TRPS1: variants seen among roughly 807,000 people sequenced by gnomAD.
The protein encoded by TRPS1 is zinc finger transcription factor Trps1.
In TRPS1, 6 loss-of-function variants were observed where a neutral mutation model predicts 101.2. That is an observed-to-expected ratio of 0.06 (90% CI 0.03 to 0.12). TRPS1 has a LOEUF of 0.12. Ranked by LOEUF, TRPS1 falls within the 10% of genes least tolerant of loss-of-function variation. The probability of loss-of-function intolerance (pLI) is 1.00; values close to 1 mark genes in which losing one functional copy is unlikely to be tolerated. For missense variants in TRPS1, 1,363 were observed against 1,567.0 expected, an observed-to-expected ratio of 0.87 and a Z score of 2.20; for synonymous variants, 578 against 589.8, an observed-to-expected ratio of 0.98 and a Z score of 0.29.
At chr8:115,561,407 C>T (rs192003980) in intron 5 of TRPS1, among the ~76,000 whole-genome samples, 13 of 151,898 alleles carry the variant, frequency 8.6e-5, no homozygotes, top group Admixed American at 8.5e-4. Context: ...AAGCCACATT[C>T]TTCAACACTA....
chr8:115,559,464 C>A (rs900771873), intron 5 of TRPS1, among the ~76,000 whole-genome samples: 1 of 152,072 alleles, frequency 6.6e-6, no homozygotes, highest in Admixed American at 6.6e-5. Flanking sequence ...CTAGGTCTCA[C>A]GCACCACAAA....
chr8:115,565,810 A>T (rs1263111620), intron 5 of TRPS1, among the ~76,000 whole-genome samples: 3 of 152,122 alleles, frequency 2.0e-5, no homozygotes, highest in East Asian at 3.9e-4. Context: ...AACTAAAATA[A>T]ATATTTACTG....
chr8:115,608,865 A>G (rs1468370146), intron 3 of TRPS1, among the ~76,000 whole-genome samples: 2 of 148,210 alleles, frequency 1.3e-5, no homozygotes, highest in Non-Finnish European at 2.9e-5. Context: ...TCTTTTTTAG[A>G]GGCAGGGTCT....
intron 4 of TRPS1, among the ~76,000 whole-genome samples, chr8:115,593,228 A>T (rs1817716357): frequency 6.6e-6 from 1 of 152,238 alleles, no homozygotes; most frequent in Non-Finnish European, 1.5e-5. Context: ...CAAAATTGTC[A>T]GGAATAATCC....
chr8:115,513,312 G>A (rs1232248222), intron 5 of TRPS1, among the ~76,000 whole-genome samples: 1 of 151,496 alleles, frequency 6.6e-6, no homozygotes, highest in East Asian at 1.9e-4. Context: ...TATTCCCAAG[G>A]ACTTATATTT....
intron 5 of TRPS1, among the ~76,000 whole-genome samples, chr8:115,585,550 T>C (rs1817544112): frequency 1.3e-5 from 2 of 152,158 alleles, no homozygotes; most frequent in African/African-American, 4.8e-5. Context: ...GGACATTTCA[T>C]TCCCGCCTTA....
At chr8:115,659,349 ATTAAT>A (rs1477185171) in intron 1 of TRPS1, among the ~76,000 whole-genome samples, 3 of 151,864 alleles carry the variant, frequency 2.0e-5, no homozygotes, top group African/African-American at 7.2e-5. Flanking sequence ...TACTTCCAAT[ATTAAT>A]TTAAAGACAG....
At chr8:115,465,382 C>G (rs1241822949) in intron 5 of TRPS1, among the ~76,000 whole-genome samples, 1 of 152,002 alleles carries the variant, frequency 6.6e-6, no homozygotes, top group Admixed American at 6.6e-5. Flanking sequence ...ACATTTCACT[C>G]TCTGCCTTGG....
chr8:115,573,431 T>C (rs1817249639), intron 5 of TRPS1, among the ~76,000 whole-genome samples: 1 of 152,184 alleles, frequency 6.6e-6, no homozygotes. Flanking sequence ...GCCTCTTTTT[T>C]GTCACCCGCA....
intron 1 of TRPS1, among the ~76,000 whole-genome samples, chr8:115,653,688 C>A (rs2737257): frequency 0.29 from 44,241 of 151,690 alleles, 7,255 homozygotes; most frequent in Admixed American, 0.4. Flanking sequence ...CAAAACAAAA[C>A]AAAAAAGACA....
At chr8:115,643,481 CTTATCT>C (rs1818949379) in intron 1 of TRPS1, among the ~76,000 whole-genome samples, 1 of 152,202 alleles carries the variant, frequency 6.6e-6, no homozygotes, top group Non-Finnish European at 1.5e-5. Flanking sequence ...ACTTTCTTTG[CTTATCT>C]TTAAGAAAAA....
At chr8:115,621,927 ACAAAAG>A (rs1340831291) in intron 2 of TRPS1, among the ~76,000 whole-genome samples, 2 of 151,924 alleles carry the variant, frequency 1.3e-5, no homozygotes, top group Non-Finnish European at 2.9e-5. Flanking sequence ...AAAAAAAAAA[ACAAAAG>A]CAAAAACAAA....
At chr8:115,648,168 T>C (rs1479916381) in intron 1 of TRPS1, among the ~76,000 whole-genome samples, 1 of 151,452 alleles carries the variant, frequency 6.6e-6, no homozygotes, top group African/African-American at 2.4e-5. Context: ...GGAAGCCAAG[T>C]TGGGAAGTGG....
At chr8:115,644,839 A>G (rs886701577) in intron 1 of TRPS1, among the ~76,000 whole-genome samples, 4 of 152,174 alleles carry the variant, frequency 2.6e-5, no homozygotes, top group African/African-American at 9.7e-5. Context: ...ATTATGTCTC[A>G]GGGAATAGGG....
chr8:115,431,588 C>T (rs1813320208), intron 5 of TRPS1, among the ~76,000 whole-genome samples: 1 of 151,908 alleles, frequency 6.6e-6, no homozygotes, highest in African/African-American at 2.4e-5. Context: ...ATTTCTCACA[C>T]ACAAACTAAG....
chr8:115,631,405 T>C (rs1238490696), intron 1 of TRPS1, among the ~76,000 whole-genome samples: 1 of 152,240 alleles, frequency 6.6e-6, no homozygotes, highest in East Asian at 1.9e-4. Flanking sequence ...TATATATAAA[T>C]AGCTACATCT....
Position 115,414,021 on chromosome 8 carries a change from T to G in TRPS1, c.*2A>C. On this transcript the variant is annotated 3_prime_UTR_variant, in exon 7 of 7. Coordinates refer to ENST00000395715, the MANE Select transcript of TRPS1 (RefSeq NM_014112.5). This position sits in a 1 kb window ranked among gnomAD's most constrained non-coding sequence, Gnocchi z 4.8. ...TATTTAATTGTGCTAAGTGCTAAGGTTTTACTCTTTAGGTTTTCCATTTTT... is the reference window on the plus strand; with the variant it reads ...TATTTAATTGTGCTAAGTGCTAAGGGTTTACTCTTTAGGTTTTCCATTTTT... 1.2e-6 allele frequency: 2 copies of G among 1,613,380 alleles called. No homozygotes were observed. Among genetic ancestry groups the G allele is most frequent in the Middle Eastern group, 1.7e-4 (1 of 6,054 alleles).
intron 1 of TRPS1, chr8:115,668,205 AAGG>A (rs893014001): frequency 3.2e-5 from 14 of 443,192 alleles, no homozygotes; most frequent in African/African-American, 2.4e-4. Context: ...GACCCACCAA[AAGG>A]AGGAGAGGAA....
At position 115,418,366 on chromosome 8, in the gene TRPS1, T is replaced by C. The variant is rs538876804; in HGVS notation, c.2787A>G (p.Val929=). 1.9e-6 allele frequency: 3 copies of C among 1,614,112 alleles called. No individual in the cohort carries two copies. The highest frequency in any genetic ancestry group is 1.7e-5 in the Admixed American group (1 of 60,018). ...TCTGGTAGAGGCCACACGCGTTGCA[T>C]ACATATCCGCCATTTGCATTCTTTC... ...LWRKNANGGY[V]CNACGLYQKL... The change falls in exon 6 of 7, where the codon GTA becomes GTG. Residue 929 remains valine, a synonymous_variant. Transcript: ENST00000395715. The surrounding 1 kb of genome is among the most constrained non-coding windows in gnomAD (Gnocchi z 4.3).
Sources: gnomAD v4.1 joint callset for allele counts (sites outside exome capture counted in the v4.1 genomes callset) on GRCh38, gnomAD v4.1.1 for gene constraint, Gnocchi (gnomAD v3.1) non-coding constraint, MANE v1.5 for transcripts, NCBI Gene and HGNC (gene_info 2026-07-23, HGNC 2026-07-21) for gene names.